Variants in RBFOX1 observed in about 807,000 individuals in gnomAD.
The protein encoded by RBFOX1 is RNA binding protein fox-1 homolog 1.
A neutral mutation model predicts 57.7 loss-of-function variants in RBFOX1; 8 were observed. The observed-to-expected ratio is 0.14, with a 90% CI of 0.08 to 0.25. RBFOX1 has a LOEUF of 0.25. Ranked by LOEUF, RBFOX1 falls within the 10% of genes least tolerant of loss-of-function variation. The probability of loss-of-function intolerance (pLI) is 1.00; values close to 1 mark genes in which losing one functional copy is unlikely to be tolerated. For synonymous variants in RBFOX1, 326 were observed against 222.4 expected (o/e 1.47, Z -4.15); for missense variants, 611 against 548.5 (o/e 1.11, Z -1.14).
At chr16:6,224,082 C>T (rs1402376592) in intron 1 of RBFOX1, among the ~76,000 whole-genome samples, 1 of 151,992 alleles carries the variant, frequency 6.6e-6, no homozygotes, top group South Asian at 2.1e-4. Flanking sequence ...GGTACCAGTA[C>T]CATGCTGTTT....
intron 2 of RBFOX1, among the ~76,000 whole-genome samples, chr16:6,548,947 C>T (rs566272278): frequency 1.3e-5 from 2 of 150,486 alleles, no homozygotes; most frequent in African/African-American, 4.9e-5. Flanking sequence ...ATGGTGGCGG[C>T]GCCTGTAATC....
chr16:7,664,141 AATAC>A (rs2068546563), intron 12 of RBFOX1, among the ~76,000 whole-genome samples: 1 of 152,226 alleles, frequency 6.6e-6, no homozygotes, highest in South Asian at 2.1e-4. Context: ...TAAGTACACA[AATAC>A]ATATAAATAA....
chr16:6,593,642 A>G (rs1262863554), intron 2 of RBFOX1, among the ~76,000 whole-genome samples: 1 of 152,068 alleles, frequency 6.6e-6, no homozygotes, highest in Non-Finnish European at 1.5e-5. Context: ...TGCCCTGTTC[A>G]TTTGTTTTTC....
intron 4 of RBFOX1, among the ~76,000 whole-genome samples, chr16:7,266,089 C>G (rs558533334): frequency 6.6e-6 from 1 of 151,400 alleles, no homozygotes; most frequent in African/African-American, 2.4e-5. Flanking sequence ...ATTCTCCTGC[C>G]TCAGCCTCCC....
intron 2 of RBFOX1, among the ~76,000 whole-genome samples, chr16:6,487,703 ATATATATATATATATATATATATATATAT>A (rs2095533442): frequency 2.1e-4 from 1 of 4,780 alleles, no homozygotes; most frequent in South Asian, 0.01. Context: ...AAAAAAAAAT[ATATATATATATATATATATATATATATAT>A]ATATATATAT....
rs565500734 is a variant in RBFOX1 at position 6,988,574 on chromosome 16, T to A, written c.-15-63483T>A. ...TTTAATTTAACTTTATTTAATTTTA[T>A]TTTATTTTATTTATTTGGGACCGAG... On this transcript the variant is annotated intron_variant, in intron 3 of 15. Coordinates refer to ENST00000550418, the MANE Select transcript of RBFOX1 (RefSeq NM_018723.4). Among the ~76,000 whole-genome samples the A allele has an allele frequency of 2.2e-3, 335 of 151,700 alleles. 6 individuals carry two copies. In the East Asian group the frequency reaches 0.049, roughly 22 times the overall value.
intron 5 of RBFOX1, among the ~76,000 whole-genome samples, chr16:7,559,111 A>G (rs959180728): frequency 9.2e-5 from 14 of 152,204 alleles, no homozygotes; most frequent in Admixed American, 8.5e-4. Flanking sequence ...CTTTCCTGAA[A>G]GGTTTAGGCA....
chr16:5,835,508 G>C (rs2056429436), intron 3 of RBFOX1, among the ~76,000 whole-genome samples: 2 of 152,184 alleles, frequency 1.3e-5, no homozygotes, highest in African/African-American at 4.8e-5. Context: ...CCTGTTGGTT[G>C]AAAAGAGTCC....
At chr16:5,388,355 T>G (rs2066311337) in intron 1 of RBFOX1, among the ~76,000 whole-genome samples, 1 of 152,116 alleles carries the variant, frequency 6.6e-6, no homozygotes, top group Non-Finnish European at 1.5e-5. Context: ...GACAACAAGC[T>G]TTTTCTATAA....
At chr16:5,363,199 AT>A (rs533158906) in intron 1 of RBFOX1, among the ~76,000 whole-genome samples, 4,181 of 121,636 alleles carry the variant, frequency 0.034, 56 homozygotes, top group Middle Eastern at 0.045. Context: ...GCCCCTGGCT[AT>A]TTTTTTTTTT....
intron 1 of RBFOX1, among the ~76,000 whole-genome samples, chr16:6,277,866 T>A (rs557040451): frequency 6.6e-6 from 1 of 152,040 alleles, no homozygotes; most frequent in South Asian, 2.1e-4. Context: ...TCTGCTGGGA[T>A]TGAGTCATGA....
rs1040426989 is a variant in RBFOX1, at chr16:6,628,747, T to G, written c.-63-25856T>G. 8.5e-5 allele frequency among the ~76,000 whole-genome samples: 13 copies of G among 152,222 alleles called. 1 individual carries two copies. The highest frequency in any genetic ancestry group is 7.9e-4 in the Admixed American group (12 of 15,278). On this transcript the variant is annotated intron_variant, in intron 2 of 15. Coordinates refer to ENST00000550418, the MANE Select transcript of RBFOX1 (RefSeq NM_018723.4). ...GAGGTTTGACAGCTGAGTACACTTTTGTAACACGAAGCTCTGTGAAGATAT... is the reference window on the plus strand; with the variant it reads ...GAGGTTTGACAGCTGAGTACACTTTGGTAACACGAAGCTCTGTGAAGATAT...
At chr16:6,172,522 C>G (rs1343585162) in intron 1 of RBFOX1, among the ~76,000 whole-genome samples, 2 of 152,136 alleles carry the variant, frequency 1.3e-5, no homozygotes, top group Admixed American at 6.6e-5. Flanking sequence ...AACTTCATGT[C>G]CTACAGTAGA....
intron 3 of RBFOX1, among the ~76,000 whole-genome samples, chr16:6,729,840 G>A (rs1603468066): frequency 1.3e-5 from 2 of 152,012 alleles, no homozygotes; most frequent in Non-Finnish European, 2.9e-5. Flanking sequence ...CTGAAGTATC[G>A]TGGGACAAAT....
chr16:5,767,493 T>C, intron 3 of RBFOX1, among the ~76,000 whole-genome samples: 1 of 152,118 alleles, frequency 6.6e-6, no homozygotes, highest in South Asian at 2.1e-4. Flanking sequence ...GAAGCATGTG[T>C]GTATGGGTTC....
chr16:5,796,141 T>C (rs1426512396), intron 3 of RBFOX1, among the ~76,000 whole-genome samples: 2 of 152,192 alleles, frequency 1.3e-5, no homozygotes, highest in African/African-American at 4.8e-5. Flanking sequence ...TGGAAGGTCA[T>C]AAGCAGCTCA....
intron 1 of RBFOX1, among the ~76,000 whole-genome samples, chr16:5,305,476 T>G (rs1357606802): frequency 6.6e-6 from 1 of 152,180 alleles, no homozygotes; most frequent in Non-Finnish European, 1.5e-5. Flanking sequence ...TCCAGATGTT[T>G]CCCTTGACTT....
At chr16:5,247,562 A>G (rs1220293344) in intron 1 of RBFOX1, among the ~76,000 whole-genome samples, 1 of 152,216 alleles carries the variant, frequency 6.6e-6, no homozygotes, top group African/African-American at 2.4e-5. Context: ...GAGGCAGGCT[A>G]CAGCCCACAG....
chr16:7,697,727 A>T (rs12924875), intron 14 of RBFOX1, among the ~76,000 whole-genome samples: 40,739 of 151,788 alleles, frequency 0.27, 5,581 homozygotes, highest in East Asian at 0.48. Context: ...CTCCACACAC[A>T]CCTTTTTCTT....
Sources: allele counts gnomAD v4.1 joint callset (sites outside exome capture counted in the v4.1 genomes callset), GRCh38; gene constraint gnomAD v4.1.1; transcripts MANE v1.5; gene names NCBI Gene and HGNC (gene_info 2026-07-23, HGNC 2026-07-21).